The following BANK1 variants were observed in gnomAD, a reference collection of about 807,000 sequenced individuals.
BANK1 encodes B cell scaffold protein with ankyrin repeats 1.
In BANK1, 95 loss-of-function variants were observed where a neutral mutation model predicts 94.5. The ratio of observed to expected loss-of-function variants is 1.00; its 90% CI spans 0.85 to 1.19. The LOEUF (loss-of-function observed/expected upper bound fraction) is 1.19. Ranked by LOEUF, BANK1 falls within the 50% of genes most tolerant of loss-of-function variation. The probability of loss-of-function intolerance (pLI) is 0.00; values close to 1 mark genes in which losing one functional copy is unlikely to be tolerated. For synonymous variants in BANK1, 334 were observed against 308.4 expected, an observed-to-expected ratio of 1.08 and a Z score of -0.87; for missense variants, 987 against 932.2, an observed-to-expected ratio of 1.06 and a Z score of -0.77.
At chr4:101,845,778 G>A (rs1727219578) in intron 2 of BANK1, among the ~76,000 whole-genome samples, 1 of 152,178 alleles carries the variant, frequency 6.6e-6, no homozygotes, top group Non-Finnish European at 1.5e-5. Flanking sequence ...TCAATGCAAT[G>A]TCAAATAAGG....
At chr4:101,998,402 C>T (rs1051505230) in intron 7 of BANK1, among the ~76,000 whole-genome samples, 3 of 151,940 alleles carry the variant, frequency 2.0e-5, no homozygotes, top group African/African-American at 7.2e-5. Context: ...TGTTGATTTC[C>T]AGTGGAGAGT....
At chr4:102,064,950 A>G (rs1728542762) in intron 13 of BANK1, among the ~76,000 whole-genome samples, 1 of 152,324 alleles carries the variant, frequency 6.6e-6, no homozygotes, top group South Asian at 2.1e-4. Flanking sequence ...GGCTGTGTAG[A>G]GAGGTAGCCT....
intron 7 of BANK1, among the ~76,000 whole-genome samples, chr4:101,933,712 A>T (rs141442547): frequency 6.6e-6 from 1 of 151,644 alleles, no homozygotes; most frequent in East Asian, 2.0e-4. Context: ...ACTGTGTAGC[A>T]GTGGAAGGTC....
intron 9 of BANK1, among the ~76,000 whole-genome samples, chr4:102,026,176 C>T (rs1388847819): frequency 1.3e-5 from 2 of 152,108 alleles, no homozygotes; most frequent in African/African-American, 2.4e-5. Flanking sequence ...TCTGTCCTTG[C>T]GGAGGGCATG....
At chr4:101,991,197 T>C (rs972461690) in intron 7 of BANK1, among the ~76,000 whole-genome samples, 1 of 152,198 alleles carries the variant, frequency 6.6e-6, no homozygotes, top group Non-Finnish European at 1.5e-5. Flanking sequence ...GACTCCAAAG[T>C]CAATTCTCTT....
intron 5 of BANK1, among the ~76,000 whole-genome samples, chr4:101,879,387 C>A (rs1728596364): frequency 6.6e-6 from 1 of 151,874 alleles, no homozygotes; most frequent in Admixed American, 6.6e-5. Context: ...ACACAAACTA[C>A]CAAGATTGAA....
At chr4:101,859,571 G>C (rs150449950) in intron 3 of BANK1, among the ~76,000 whole-genome samples, 3 of 152,152 alleles carry the variant, frequency 2.0e-5, no homozygotes, top group Non-Finnish European at 4.4e-5. Context: ...AGCTTCGTAA[G>C]TGGTAAAACT....
At chr4:101,805,677 C>T (rs909661022) in intron 1 of BANK1, among the ~76,000 whole-genome samples, 29 of 150,096 alleles carry the variant, frequency 1.9e-4, no homozygotes, top group Non-Finnish European at 3.7e-4. Context: ...TATGTACAGC[C>T]TCAGATAAAT....
intron 7 of BANK1, among the ~76,000 whole-genome samples, chr4:101,948,847 G>C (rs772304718): frequency 7.2e-5 from 11 of 152,150 alleles, no homozygotes; most frequent in Non-Finnish European, 1.3e-4. Flanking sequence ...TCCTGTATTG[G>C]TATCTGACAC....
chr4:101,934,579 TCAAAA>T (rs1394064141), intron 7 of BANK1, among the ~76,000 whole-genome samples: 1 of 151,510 alleles, frequency 6.6e-6, no homozygotes, highest in Admixed American at 6.6e-5. Context: ...GTCATTTCTG[TCAAAA>T]CAAGACAATC....
chr4:101,883,937 T>C (rs1489166628), intron 5 of BANK1, among the ~76,000 whole-genome samples: 1 of 152,198 alleles, frequency 6.6e-6, no homozygotes, highest in Non-Finnish European at 1.5e-5. Context: ...ATATGCTTGC[T>C]TGTATTTTCT....
At chr4:102,019,163 AT>A (rs1356988155) in intron 7 of BANK1, among the ~76,000 whole-genome samples, 8 of 152,046 alleles carry the variant, frequency 5.3e-5, no homozygotes, top group South Asian at 2.1e-4. Flanking sequence ...TATTCTAATA[AT>A]TTTTTATTTA....
intron 13 of BANK1, among the ~76,000 whole-genome samples, chr4:102,065,654 A>G (rs1351430921): frequency 1.3e-5 from 2 of 152,092 alleles, no homozygotes; most frequent in Middle Eastern, 3.2e-3. Flanking sequence ...TTAAACACTG[A>G]ATTAGTGAAA....
Position 101,790,888 on chromosome 4 carries a change from C to T in BANK1, c.8C>T (p.Pro3Leu). Residue 3 changes from proline to leucine, a missense_variant, in exon 1 of 17, where the codon CCA (proline) becomes CTA (leucine). By Grantham distance (98) the Pro-to-Leu change is moderately conservative. Transcript: ENST00000322953. ML[P>L]AAPGKGLGSP... ...TCGGCTTCAACCGCCACAATGCTGCCAGCAGCGCCAGGCAAGGGGCTTGGG... is the reference window on the plus strand; with the variant it reads ...TCGGCTTCAACCGCCACAATGCTGCTAGCAGCGCCAGGCAAGGGGCTTGGG... 6.5e-7 allele frequency: 1 copy of T among 1,539,028 alleles called. No homozygotes were observed. The highest frequency in any genetic ancestry group is 8.7e-7 in the Non-Finnish European group (1 of 1,146,876).
intron 5 of BANK1, among the ~76,000 whole-genome samples, chr4:101,873,545 T>A (rs987315964): frequency 2.6e-5 from 4 of 152,206 alleles, no homozygotes; most frequent in African/African-American, 9.6e-5. Context: ...AAATGAGCGT[T>A]CTGTGAATTT....
At chr4:101,972,746 T>C (rs1476629991) in intron 7 of BANK1, 1 of 152,090 alleles carries the variant, frequency 6.6e-6, no homozygotes, top group African/African-American at 2.4e-5. Context: ...TCATCTAGAA[T>C]TTACAGAGGC....
At chr4:101,923,972 C>T (rs984697011) in intron 7 of BANK1, among the ~76,000 whole-genome samples, 1 of 151,734 alleles carries the variant, frequency 6.6e-6, no homozygotes. Flanking sequence ...ATGGTAAGTA[C>T]ATAAAAACCT....
At chr4:101,990,492 A>G (rs1473240759) in intron 7 of BANK1, among the ~76,000 whole-genome samples, 1 of 152,192 alleles carries the variant, frequency 6.6e-6, no homozygotes, top group Non-Finnish European at 1.5e-5. Context: ...TCTTCACAGA[A>G]CAAGCATTGT....
intron 3 of BANK1, among the ~76,000 whole-genome samples, chr4:101,862,321 A>C (rs1250164473): frequency 6.6e-6 from 1 of 152,138 alleles, no homozygotes; most frequent in East Asian, 1.9e-4. Context: ...AAAAGAGCGT[A>C]CAATAAAAAG....
Sources: allele counts gnomAD v4.1 joint callset (sites outside exome capture counted in the v4.1 genomes callset), GRCh38; gene constraint gnomAD v4.1.1; transcripts MANE v1.5; gene names NCBI Gene and HGNC (gene_info 2026-07-23, HGNC 2026-07-21).